ATP9B: variants seen among roughly 807,000 people sequenced by gnomAD.
ATP9B encodes the protein probable phospholipid-transporting ATPase IIB.
A neutral mutation model predicts 146.1 loss-of-function variants in ATP9B; 110 were observed. That is an observed-to-expected ratio of 0.75 (90% CI 0.65 to 0.88). The LOEUF is 0.88. Among genes scored for constraint, ATP9B ranks in the 40% least tolerant of loss-of-function variants. The pLI, the probability that ATP9B is intolerant of heterozygous loss-of-function variation, is 0.00. For missense variants in ATP9B, 1,499 were observed against 1,496.4 expected (o/e 1.00, Z -0.03); for synonymous variants, 604 against 569.7 (o/e 1.06, Z -0.86).
At chr18:79,073,638 G>T (rs986094455) in intron 1 of ATP9B, among the ~76,000 whole-genome samples, 2 of 152,006 alleles carry the variant, frequency 1.3e-5, no homozygotes. Flanking sequence ...AGACGAGGGA[G>T]GGGGGAGACC....
rs756684375 is a variant in ATP9B, at chr18:79,069,416, G to A, written c.6G>A (p.Ala2=). 31 of 1,517,420 alleles carry A rather than the reference G, an allele frequency of 2.0e-5. No homozygotes were observed. Among genetic ancestry groups the A allele is most frequent in the Admixed American group, 2.2e-5 (1 of 46,224 alleles). The allele number at this position is 1,517,420 out of a possible 1,614,324, so 94.0% of individuals were successfully genotyped here. Residue 2 remains alanine (A), a synonymous_variant, in exon 1 of 30, where the codon GCG becomes GCA. Transcript: ENST00000426216. M[A]DQIPLYPVRS... is the part of the protein sequence containing the mutation. ...GGGAAAGGGGCGGTCGGAACATGGC[G>A]GACCAGATCCCGCTTTACCCGGTGC...
intron 4 of ATP9B, among the ~76,000 whole-genome samples, chr18:79,118,722 T>C (rs2094137567): frequency 6.6e-6 from 1 of 152,060 alleles, no homozygotes; most frequent in Admixed American, 6.6e-5. Flanking sequence ...GATTTTAATG[T>C]ATTTATTTCT....
intron 6 of ATP9B, among the ~76,000 whole-genome samples, chr18:79,151,393 C>T (rs934929611): frequency 6.6e-6 from 1 of 152,134 alleles, no homozygotes; most frequent in Admixed American, 6.5e-5. Flanking sequence ...GTGGTTGTTA[C>T]CCACCCATTT....
At chr18:79,154,620 C>G (rs2094745559) in intron 7 of ATP9B, 65 bp downstream of exon 7, 1 of 1,095,558 alleles carries the variant, frequency 9.1e-7, no homozygotes, top group African/African-American at 1.6e-5. Context: ...TTACAAATAT[C>G]TATACAAGGA....
intron 25 of ATP9B, among the ~76,000 whole-genome samples, chr18:79,355,656 C>T (rs1305729163): frequency 6.6e-6 from 1 of 150,838 alleles, no homozygotes; most frequent in African/African-American, 2.5e-5. Context: ...GCCGCTGTAC[C>T]GTTTGTGCCG....
intron 5 of ATP9B, among the ~76,000 whole-genome samples, chr18:79,142,158 A>G (rs1245826389): frequency 6.6e-6 from 1 of 152,216 alleles, no homozygotes; most frequent in African/African-American, 2.4e-5. Flanking sequence ...GTATTTGATC[A>G]TAAACTTTTT....
intron 4 of ATP9B, among the ~76,000 whole-genome samples, chr18:79,114,265 T>A (rs1211899463): frequency 6.6e-6 from 1 of 152,194 alleles, no homozygotes; most frequent in Non-Finnish European, 1.5e-5. Context: ...TGGCCACTAC[T>A]TCCTTTTTTT....
intron 11 of ATP9B, among the ~76,000 whole-genome samples, chr18:79,224,027 C>T (rs2095705915): frequency 6.6e-6 from 1 of 152,136 alleles, no homozygotes; most frequent in African/African-American, 2.4e-5. Flanking sequence ...GTTAGCTTTA[C>T]ATAAAGTTCT....
In ATP9B at chr18:79,225,287, T is replaced by G. The variant is rs375699403; in HGVS notation, c.1107+11249T>G. Among the ~76,000 whole-genome samples the G allele has an allele frequency of 2.4e-3, 367 of 152,354 alleles. 2 individuals carry two copies. The highest frequency in any genetic ancestry group is 6.4e-3 in the South Asian group (31 of 4,832). On this transcript the variant is annotated intron_variant, in intron 11 of 29. Transcript: ENST00000426216. ...TTTTACAATTGCATTAACTAAAACA[T>G]GTATATAATAAGCTAAACATGAAAT...
At chr18:79,240,522 G>C (rs764697498) in intron 11 of ATP9B, among the ~76,000 whole-genome samples, 2 of 152,192 alleles carry the variant, frequency 1.3e-5, no homozygotes, top group African/African-American at 2.4e-5. Flanking sequence ...GAGGCAGGCG[G>C]ATCACCTGAG....
In ATP9B at chr18:79,157,329, T is replaced by C. The variant is rs909381812; in HGVS notation, c.778+2774T>C. Among the ~76,000 whole-genome samples, 4 of 127,622 alleles carry C rather than the reference T, an allele frequency of 3.1e-5. No individual in the cohort carries two copies. In the Admixed American group the frequency reaches 4.2e-4, roughly 13 times the overall value. The allele number at this position is 127,622 out of a possible 152,430, so 83.7% of individuals were successfully genotyped here. A position where few individuals can be genotyped will look rare whatever the true frequency, so the allele number is the denominator to read the frequency against. On this transcript the variant is annotated intron_variant, in intron 7 of 29. Transcript: ENST00000426216. ...GAGAATCACTTGAACCTGGGAGGCA[T>C]AGGTTGCAGTGAGCCGAGATTGTGC...
chr18:79,171,204 A>G (rs1366571116), intron 7 of ATP9B, among the ~76,000 whole-genome samples: 2 of 152,188 alleles, frequency 1.3e-5, no homozygotes, highest in Non-Finnish European at 2.9e-5. Context: ...AAAAATCTAG[A>G]TATTATTTAA....
intron 2 of ATP9B, among the ~76,000 whole-genome samples, chr18:79,100,434 G>A (rs2075178909): frequency 6.6e-6 from 1 of 152,020 alleles, no homozygotes; most frequent in South Asian, 2.1e-4. Flanking sequence ...GGACATTTAG[G>A]ATTATTAACC....
At chr18:79,204,461 G>C (rs2095516670) in intron 9 of ATP9B, among the ~76,000 whole-genome samples, 1 of 151,948 alleles carries the variant, frequency 6.6e-6, no homozygotes. Flanking sequence ...CTTTTCCCTT[G>C]TAAACATGCA....
chr18:79,256,803 C>T (rs765268010), intron 12 of ATP9B, among the ~76,000 whole-genome samples: 4 of 152,136 alleles, frequency 2.6e-5, no homozygotes, highest in African/African-American at 4.8e-5. Flanking sequence ...ACTAGACCTC[C>T]GGGCCGCAGC....
chr18:79,147,131 T>C (rs1234276468), intron 6 of ATP9B, among the ~76,000 whole-genome samples: 2 of 152,184 alleles, frequency 1.3e-5, no homozygotes, highest in African/African-American at 2.4e-5. Flanking sequence ...ACAACAATAA[T>C]AGGATTAATC....
intron 11 of ATP9B, among the ~76,000 whole-genome samples, chr18:79,237,482 A>G (rs992310568): frequency 2.0e-5 from 3 of 152,252 alleles, no homozygotes; most frequent in African/African-American, 7.2e-5. Flanking sequence ...TTTCTTTGCT[A>G]ATAATTTTTA....
At chr18:79,245,560 C>T (rs909268908) in intron 11 of ATP9B, among the ~76,000 whole-genome samples, 5 of 151,388 alleles carry the variant, frequency 3.3e-5, no homozygotes, top group Admixed American at 2.0e-4. Flanking sequence ...AGGAGGGCAC[C>T]GCCCTACTGA....
At chr18:79,263,332 A>T (rs1007927429) in intron 12 of ATP9B, among the ~76,000 whole-genome samples, 2 of 152,160 alleles carry the variant, frequency 1.3e-5, no homozygotes, top group Admixed American at 1.3e-4. Flanking sequence ...CCGTGGGACA[A>T]GTGGACCCTC....
Sources: gnomAD v4.1 joint callset for allele counts (sites outside exome capture counted in the v4.1 genomes callset) on GRCh38, gnomAD v4.1.1 for gene constraint, MANE v1.5 for transcripts, NCBI Gene and HGNC (gene_info 2026-07-23, HGNC 2026-07-21) for gene names.